Variants in LARS2 observed in about 807,000 individuals in gnomAD.
The protein encoded by LARS2 is leucyl-tRNA synthetase 2, mitochondrial.
A neutral mutation model predicts 116.6 loss-of-function variants in LARS2; 81 were observed. That is an observed-to-expected ratio of 0.69 (90% CI 0.58 to 0.84). LARS2 has a LOEUF of 0.84. Ranked by LOEUF, LARS2 falls within the 40% of genes least tolerant of loss-of-function variation. LARS2 has a pLI of 0.00. For missense variants in LARS2, 968 were observed against 1,114.5 expected (o/e 0.87, Z 1.87); for synonymous variants, 396 against 407.2 (o/e 0.97, Z 0.33).
intron 20 of LARS2, among the ~76,000 whole-genome samples, chr3:45,534,117 A>AT (rs1481219022): frequency 1.3e-5 from 2 of 151,868 alleles, no homozygotes; most frequent in Admixed American, 6.6e-5. Context: ...ATAGCAACTC[A>AT]TTTTTTTTCA....
intron 10 of LARS2, among the ~76,000 whole-genome samples, chr3:45,477,680 C>T (rs1378396714): frequency 6.6e-6 from 1 of 152,170 alleles, no homozygotes; most frequent in Non-Finnish European, 1.5e-5. Flanking sequence ...TAAATATTTC[C>T]ACAAATATCT....
At chr3:45,507,954 C>T (rs532325218) in intron 15 of LARS2, among the ~76,000 whole-genome samples, 1 of 152,024 alleles carries the variant, frequency 6.6e-6, no homozygotes, top group African/African-American at 2.4e-5. Context: ...TTCAGCTTCC[C>T]TCCTTCCGGT....
At chr3:45,533,340 C>T (rs1301786874) in intron 20 of LARS2, among the ~76,000 whole-genome samples, 8 of 151,538 alleles carry the variant, frequency 5.3e-5, no homozygotes, top group South Asian at 4.2e-4. Context: ...TTAGTAGAGA[C>T]GGGGTTTCAC....
chr3:45,414,196 A>C (rs1348970691), intron 4 of LARS2, among the ~76,000 whole-genome samples: 1 of 152,200 alleles, frequency 6.6e-6, no homozygotes, highest in African/African-American at 2.4e-5. Flanking sequence ...AGGAAAACAA[A>C]TATAGCTGGT....
At chr3:45,389,419 G>A (rs1338666037) in intron 1 of LARS2, among the ~76,000 whole-genome samples, 3 of 152,162 alleles carry the variant, frequency 2.0e-5, no homozygotes, top group Admixed American at 2.0e-4. Context: ...TCAGCTCTGC[G>A]TCCCAGCGCC....
chr3:45,528,478 A>G (rs754898339), intron 20 of LARS2, among the ~76,000 whole-genome samples: 1 of 152,194 alleles, frequency 6.6e-6, no homozygotes, highest in Non-Finnish European at 1.5e-5. Flanking sequence ...TTTTAAGTAT[A>G]TACTCAGTGT....
At chr3:45,410,768 C>T (rs1230883328) in intron 4 of LARS2, among the ~76,000 whole-genome samples, 1 of 152,226 alleles carries the variant, frequency 6.6e-6, no homozygotes, top group Non-Finnish European at 1.5e-5. Context: ...CAGCGTTCCG[C>T]CTTACTCTGT....
At chr3:45,469,406 C>A (rs1055140320) in intron 8 of LARS2, among the ~76,000 whole-genome samples, 7 of 152,070 alleles carry the variant, frequency 4.6e-5, no homozygotes, top group African/African-American at 7.2e-5. Context: ...AGTACAATTG[C>A]ACTATCTCGG....
intron 6 of LARS2, among the ~76,000 whole-genome samples, chr3:45,425,312 A>T (rs1347933239): frequency 6.6e-6 from 1 of 152,134 alleles, no homozygotes; most frequent in East Asian, 1.9e-4. Flanking sequence ...GGACTAGTGT[A>T]TCAATTTGGA....
At chr3:45,449,375 T>G (rs1468443418) in intron 7 of LARS2, among the ~76,000 whole-genome samples, 1 of 152,086 alleles carries the variant, frequency 6.6e-6, no homozygotes, top group Non-Finnish European at 1.5e-5. Flanking sequence ...TTGGTCAGAC[T>G]GGTCTTGAAC....
Position 45,517,184 on chromosome 3 carries a change from C to T in LARS2, c.2045-719C>T, listed in dbSNP as rs142189243. On this transcript the variant is annotated intron_variant, in intron 17 of 21. Coordinates refer to ENST00000645846, the MANE Select transcript of LARS2 (RefSeq NM_015340.4). ...AGACAGGTGGAGGTTCTGGCTCCCACCCCTAACCCAGGGGACAGGCTCCAG... is the reference window on the plus strand; with the variant it reads ...AGACAGGTGGAGGTTCTGGCTCCCATCCCTAACCCAGGGGACAGGCTCCAG... 2.2e-3 allele frequency among the ~76,000 whole-genome samples: 331 copies of T among 152,324 alleles called. 1 individual carries two copies. Among genetic ancestry groups the T allele is most frequent in the Middle Eastern group, 0.014 (4 of 294 alleles).
At chr3:45,503,432 G>T (rs951753951) in intron 15 of LARS2, among the ~76,000 whole-genome samples, 3 of 151,982 alleles carry the variant, frequency 2.0e-5, no homozygotes, top group Admixed American at 6.6e-5. Context: ...CTTTAGGTTT[G>T]GTGTCCCATC....
At chr3:45,545,397 A>G (rs987894486) in intron 21 of LARS2, among the ~76,000 whole-genome samples, 1 of 152,232 alleles carries the variant, frequency 6.6e-6, no homozygotes, top group Non-Finnish European at 1.5e-5. Flanking sequence ...GCCCCACAGC[A>G]TAGCAGCCTC....
At chr3:45,390,771 G>C (rs1697928828) in intron 1 of LARS2, among the ~76,000 whole-genome samples, 1 of 151,532 alleles carries the variant, frequency 6.6e-6, no homozygotes, top group South Asian at 2.1e-4. Flanking sequence ...TCCTGCCTCA[G>C]CCTCTCTAGT....
intron 4 of LARS2, among the ~76,000 whole-genome samples, chr3:45,401,024 G>A (rs1325142558): frequency 6.6e-6 from 1 of 152,108 alleles, no homozygotes; most frequent in Non-Finnish European, 1.5e-5. Context: ...TGTTAGCCAG[G>A]ATGGTCTTGA....
chr3:45,422,589 A>G (rs1199008661), intron 6 of LARS2, among the ~76,000 whole-genome samples: 1 of 152,206 alleles, frequency 6.6e-6, no homozygotes, highest in African/African-American at 2.4e-5. Flanking sequence ...TGTTGATTTA[A>G]AAGGCAAACT....
At chr3:45,390,984 C>T (rs72881341) in intron 1 of LARS2, among the ~76,000 whole-genome samples, 1 of 152,202 alleles carries the variant, frequency 6.6e-6, no homozygotes, top group African/African-American at 2.4e-5. Context: ...TCTTTTCACA[C>T]ACATGAGCTC....
At chr3:45,431,426 A>G (rs1405522490) in intron 6 of LARS2, among the ~76,000 whole-genome samples, 1 of 152,244 alleles carries the variant, frequency 6.6e-6, no homozygotes, top group South Asian at 2.1e-4. Context: ...TGTTGTCTAC[A>G]TAATTTAAGA....
intron 12 of LARS2, among the ~76,000 whole-genome samples, chr3:45,490,110 C>G (rs1699888533): frequency 6.6e-6 from 1 of 152,212 alleles, no homozygotes. Flanking sequence ...GGCTTTACTT[C>G]ATAAACTGCA....
Sources: gnomAD v4.1 joint callset for allele counts (sites outside exome capture counted in the v4.1 genomes callset) on GRCh38, gnomAD v4.1.1 for gene constraint, MANE v1.5 for transcripts, NCBI Gene and HGNC (gene_info 2026-07-23, HGNC 2026-07-21) for gene names.